The following DDHD2 variants were observed in gnomAD, a reference collection of about 807,000 sequenced individuals.
DDHD2 encodes triacylglycerol hydrolase DDHD2.
A neutral mutation model predicts 91.2 loss-of-function variants in DDHD2; 62 were observed. That is an observed-to-expected ratio of 0.68 (90% CI 0.55 to 0.84). The LOEUF is 0.84. DDHD2 is among the 40% of genes least tolerant of loss of function. The pLI is 0.00. For missense variants in DDHD2, 740 were observed against 846.9 expected (o/e 0.87, Z 1.57); for synonymous variants, 271 against 293.9 (o/e 0.92, Z 0.80).
At chr8:38,264,747 T>C (rs1415654072), downstream of DDHD2, 6 of 1,450,134 alleles carry the variant, frequency 4.1e-6, no homozygotes, top group Middle Eastern at 2.1e-4. Context: ...GATTTCTAAA[T>C]AAAATCTTTT....
intron 16 of DDHD2, among the ~76,000 whole-genome samples, chr8:38,258,939 A>G (rs1289234776): frequency 1.3e-5 from 2 of 152,188 alleles, no homozygotes; most frequent in Admixed American, 6.5e-5. Flanking sequence ...GATATAAGTA[A>G]TTGCTTGTGC....
chr8:38,247,639 T>A, intron 9 of DDHD2, 74 bp from the exon 10 acceptor site: 1 of 962,616 alleles, frequency 1.0e-6, no homozygotes, highest in South Asian at 2.8e-5. Flanking sequence ...ATCTATGTAT[T>A]TCTTTACTGC....
chr8:38,232,228 C>T (rs1804321794), intron 1 of DDHD2: 2 of 153,118 alleles, frequency 1.3e-5, no homozygotes. Context: ...GCCCTCCTGC[C>T]CCCCGCCCTA....
At chr8:38,266,557 T>G (rs1297431765), downstream of DDHD2, 3 of 354,884 alleles carry the variant, frequency 8.5e-6, no homozygotes, top group Admixed American at 4.3e-5. Flanking sequence ...TGTGCCACCA[T>G]GCCCAGCTAA....
rs369137866 is a variant in DDHD2 at position 38,254,788 on chromosome 8, C to T, written c.2054+1070C>T. 2.0e-3 allele frequency among the ~76,000 whole-genome samples: 301 copies of T among 151,588 alleles called. 3 individuals are homozygous for T. The highest frequency in any genetic ancestry group is 6.7e-3 in the African/African-American group (276 of 41,286). On this transcript the variant is annotated intron_variant, in intron 16 of 17. Transcript: ENST00000397166. The stretch of plus-strand genomic sequence containing the variant: ...TTATAATCCCAGCACTTTGGGAGGC[C>T]GAGGAAGGAGGATTGCTTGAGGCCA...
At chr8:38,240,540 AATAGTT>A (rs1805169234) in intron 6 of DDHD2, among the ~76,000 whole-genome samples, 176 bp downstream of exon 6, 1 of 152,246 alleles carries the variant, frequency 6.6e-6, no homozygotes, top group Admixed American at 6.5e-5. Context: ...TCCTGAGTCT[AATAGTT>A]TATACTCTTA....
chr8:38,265,078 C>A, downstream of DDHD2: 1 of 692,138 alleles, frequency 1.4e-6, no homozygotes. Context: ...ACCAGCCTGA[C>A]CAACAAGTGA....
chr8:38,257,820 A>G (rs1259355662), intron 16 of DDHD2, among the ~76,000 whole-genome samples: 1 of 151,552 alleles, frequency 6.6e-6, no homozygotes, highest in Non-Finnish European at 1.5e-5. Context: ...GTGCACCACC[A>G]TACCTGGCTA....
intron 5 of DDHD2, chr8:38,238,660 C>T (rs1321310761): frequency 3.8e-5 from 37 of 977,024 alleles, no homozygotes; most frequent in Non-Finnish European, 4.4e-5. Context: ...TTCCTTTTTT[C>T]TTGTCTCTTG....
chr8:38,264,809 G>T, downstream of DDHD2: 1 of 1,541,338 alleles, frequency 6.5e-7, no homozygotes, highest in South Asian at 1.3e-5. Context: ...GTTGCTTTCT[G>T]AACACCAAAT....
chr8:38,238,342 T>A lies in DDHD2; in HGVS notation c.622+133T>A, dbSNP rs1804970513. ...TTAATCATATGGGTTTATTCCAAGT[T>A]GAGATTAGCATCACTTCGTCTACTA... On this transcript the variant is annotated intron_variant, in intron 5 of 17. Transcript: ENST00000397166. 3 of 1,460,774 alleles carry A rather than the reference T, an allele frequency of 2.1e-6. 1 individual carries two copies. The South Asian group carries it at 4.3e-5, about 21-fold the overall frequency. 90.5% of individuals were successfully genotyped at this position (1,460,774 alleles called of 1,614,324 possible). A position where few individuals can be genotyped will look rare whatever the true frequency, so the allele number is the denominator to read the frequency against.
In DDHD2 at chr8:38,260,109, G is replaced by A. The variant is rs1585775142; in HGVS notation, c.2124G>A (p.Gln708=). 4 of 1,612,138 alleles carry A rather than the reference G, an allele frequency of 2.5e-6. No homozygotes were observed. The highest frequency in any genetic ancestry group is 3.4e-6 in the Non-Finnish European group (4 of 1,178,312). Residue 708 remains glutamine, a synonymous_variant, in exon 17 of 18, where the codon CAG becomes CAA. Coordinates refer to ENST00000397166, the MANE Select transcript of DDHD2 (RefSeq NM_015214.3). ...AAACCCAGGGTATCTTCCTTGATCAGCCTTTACAGTAAAAATGACCCATCT... is the reference window on the plus strand; with the variant it reads ...AAACCCAGGGTATCTTCCTTGATCAACCTTTACAGTAAAAATGACCCATCT... ...IYQTQGIFLD[Q]PLQ
rs1806278832 is a variant in DDHD2 at position 38,253,564 on chromosome 8, A to AT, written c.1900_1901insT (p.Thr634IlefsTer9). The AT allele has an allele frequency of 3.1e-6, 5 of 1,613,398 alleles. No individual in the cohort carries two copies. In the South Asian group the frequency reaches 5.5e-5, roughly 18 times the overall value. ...GGTTCTTCCATATCCAGATGTTAAC[A>AT]CAGAAGAGACCTCTGTGGCAGTTAA... On this transcript the variant is annotated frameshift_variant, in exon 16 of 18. Transcript: ENST00000397166. LOFTEE classifies it high-confidence loss of function.
rs570426144 is a variant in DDHD2, at chr8:38,268,551, C to G, written n.88-2571C>G. 2.7e-5 allele frequency: 41 copies of G among 1,518,758 alleles called. No homozygotes were observed. The South Asian group carries it at 4.4e-4, about 16-fold the overall frequency. 94.1% of individuals were successfully genotyped at this position (1,518,758 alleles called of 1,614,324 possible). A position where few individuals can be genotyped will look rare whatever the true frequency, so the allele number is the denominator to read the frequency against. ...AAGAGGGATGTGACACAGCAGGACT[C>G]ACTGGAGCTAACATAAGGTCTCTGA... On this transcript the variant is annotated intron_variant and non_coding_transcript_variant, in intron 1 of 1. Transcript: ENST00000526071.
At position 38,261,217 on chromosome 8, in the gene DDHD2, T is replaced by C. The variant is rs1193470052; in HGVS notation, c.*644T>C. 6.6e-6 allele frequency: 1 copy of C among 152,256 alleles called. No individual in the cohort carries two copies. Among genetic ancestry groups the C allele is most frequent in the Non-Finnish European group, 1.5e-5 (1 of 68,048 alleles). The allele number at this position is 152,256 out of a possible 1,614,324, so 9.4% of individuals were successfully genotyped here. A position where few individuals can be genotyped will look rare whatever the true frequency, so the allele number is the denominator to read the frequency against. Reference sequence around the variant, plus strand: ...ACTTATTGCCAGAAATCACTGATGTTCATTGTTTTTGCAACTGTTTGAGCT... The same window carrying C: ...ACTTATTGCCAGAAATCACTGATGTCCATTGTTTTTGCAACTGTTTGAGCT... On this transcript the variant is annotated 3_prime_UTR_variant, in exon 18 of 18. Coordinates refer to ENST00000397166, the MANE Select transcript of DDHD2 (RefSeq NM_015214.3).
At chr8:38,236,939 A>G (rs1015225557) in intron 3 of DDHD2, among the ~76,000 whole-genome samples, 2 of 152,080 alleles carry the variant, frequency 1.3e-5, no homozygotes, top group Non-Finnish European at 2.9e-5. Flanking sequence ...TATTGTGATT[A>G]CAGGCATGAG....
chr8:38,271,433 T>TAACC, downstream of DDHD2: 1 of 151,958 alleles, frequency 6.6e-6, no homozygotes, highest in Admixed American at 6.6e-5. Context: ...GAAAGGGGGT[T>TAACC]CCCTTTCTCC....
At chr8:38,269,890 A>T (rs374800619) in intron 1 of DDHD2, 13 of 152,258 alleles carry the variant, frequency 8.5e-5, no homozygotes, top group African/African-American at 3.1e-4. Flanking sequence ...ATATGTTCCT[A>T]CCAGCACACA....
chr8:38,264,773 CAT>C (rs1807324070), downstream of DDHD2: 1 of 1,469,462 alleles, frequency 6.8e-7, no homozygotes, highest in African/African-American at 1.4e-5. Context: ...TCAATTTTAT[CAT>C]AGTTACAGTA....
Sources: allele counts gnomAD v4.1 joint callset (sites outside exome capture counted in the v4.1 genomes callset), GRCh38; gene constraint gnomAD v4.1.1; transcripts MANE v1.5; gene names NCBI Gene and HGNC (gene_info 2026-07-23, HGNC 2026-07-21).